Variants in TRAPPC9 observed in about 807,000 individuals in gnomAD.
The protein encoded by TRAPPC9 is trafficking protein particle complex subunit 9, also known as IKK2 binding protein.
A neutral mutation model predicts 124.0 loss-of-function variants in TRAPPC9; 83 were observed. The observed-to-expected ratio is 0.67, with a 90% CI of 0.56 to 0.80. The LOEUF (loss-of-function observed/expected upper bound fraction) is 0.80. TRAPPC9 is among the 30% of genes least tolerant of loss of function. The probability of loss-of-function intolerance (pLI) is 0.00; values close to 1 mark genes in which losing one functional copy is unlikely to be tolerated. For missense variants in TRAPPC9, 1,302 were observed against 1,508.3 expected (o/e 0.86, Z 2.27); for synonymous variants, 638 against 617.5 (o/e 1.03, Z -0.49).
chr8:140,109,864 A>G (rs899789851), intron 17 of TRAPPC9, among the ~76,000 whole-genome samples: 4 of 152,214 alleles, frequency 2.6e-5, no homozygotes, highest in African/African-American at 4.8e-5. Flanking sequence ...GGTCTGATGA[A>G]CACTGAGGAA....
At chr8:140,289,654 C>T (rs1286360822) in intron 12 of TRAPPC9, among the ~76,000 whole-genome samples, 3 of 149,824 alleles carry the variant, frequency 2.0e-5, no homozygotes, top group African/African-American at 7.4e-5. Context: ...GTTTTTAAAC[C>T]AGATAAAAAT....
At chr8:140,163,964 T>A (rs1202685006) in intron 17 of TRAPPC9, among the ~76,000 whole-genome samples, 4 of 152,184 alleles carry the variant, frequency 2.6e-5, no homozygotes, top group Non-Finnish European at 2.9e-5. Flanking sequence ...AATAAAAGAA[T>A]TGCTAATTTA....
intron 14 of TRAPPC9, among the ~76,000 whole-genome samples, chr8:140,276,736 G>A (rs1313748729): frequency 1.3e-5 from 2 of 152,056 alleles, no homozygotes; most frequent in African/African-American, 4.8e-5. Context: ...TGACAGGTGA[G>A]GTTAAACACA....
chr8:140,256,420 C>T (rs1588024738), intron 15 of TRAPPC9, among the ~76,000 whole-genome samples: 4 of 152,174 alleles, frequency 2.6e-5, no homozygotes, highest in African/African-American at 7.2e-5. Context: ...AGGGTTCTGA[C>T]GACATCTTGG....
intron 18 of TRAPPC9, among the ~76,000 whole-genome samples, chr8:140,009,431 C>T (rs545814990): frequency 1.3e-5 from 2 of 152,328 alleles, no homozygotes; most frequent in South Asian, 4.1e-4. Context: ...AAATATTTTA[C>T]ATTTATTTAT....
chr8:140,243,658 G>A lies in TRAPPC9; in HGVS notation c.2431+9119C>T, dbSNP rs557641965. ...GATGACTTAAAGGACCAGGTTTGCC[G>A]CCCACTCTCTATTACCCTCCTCTCT... On this transcript the variant is annotated intron_variant, in intron 16 of 22. Coordinates refer to ENST00000438773, the MANE Select transcript of TRAPPC9 (RefSeq NM_001160372.4). 1.4e-4 allele frequency among the ~76,000 whole-genome samples: 22 copies of A among 152,258 alleles called. No homozygotes were observed. The East Asian group carries it at 2.5e-3, about 17-fold the overall frequency.
chr8:139,801,509 GC>G (rs1823527347), intron 21 of TRAPPC9, among the ~76,000 whole-genome samples: 1 of 152,142 alleles, frequency 6.6e-6, no homozygotes, highest in Non-Finnish European at 1.5e-5. Context: ...CTCCTGCCCC[GC>G]CCCCCTTCCC....
chr8:139,824,506 G>A (rs1392429057), intron 21 of TRAPPC9, among the ~76,000 whole-genome samples: 2 of 152,156 alleles, frequency 1.3e-5, no homozygotes, highest in Admixed American at 6.5e-5. Flanking sequence ...GGGAACACCC[G>A]TTTTAAGGGA....
At chr8:140,297,894 T>C (rs576765382) in intron 11 of TRAPPC9, among the ~76,000 whole-genome samples, 78 of 152,194 alleles carry the variant, frequency 5.1e-4, no homozygotes, top group Non-Finnish European at 1.0e-3. Flanking sequence ...GAGGTCCAGG[T>C]AATAGGTCTG....
chr8:139,826,394 G>A (rs1825638014), intron 21 of TRAPPC9, among the ~76,000 whole-genome samples: 1 of 152,224 alleles, frequency 6.6e-6, no homozygotes, highest in Admixed American at 6.5e-5. Flanking sequence ...GGGGCTGCAG[G>A]AGCCGGCCGG....
At chr8:139,881,906 C>T (rs1332729605) in intron 21 of TRAPPC9, among the ~76,000 whole-genome samples, 3 of 152,220 alleles carry the variant, frequency 2.0e-5, no homozygotes, top group Non-Finnish European at 4.4e-5. Flanking sequence ...TACTGTCCCC[C>T]AGACTGAAGA....
At chr8:139,913,155 T>C (rs1831862457) in intron 19 of TRAPPC9, among the ~76,000 whole-genome samples, 1 of 152,222 alleles carries the variant, frequency 6.6e-6, no homozygotes, top group Non-Finnish European at 1.5e-5. Flanking sequence ...TCAAACAATT[T>C]CTGGTTGAGT....
chr8:140,060,084 A>T (rs1842505984), intron 17 of TRAPPC9, among the ~76,000 whole-genome samples: 1 of 152,190 alleles, frequency 6.6e-6, no homozygotes, highest in African/African-American at 2.4e-5. Context: ...TCATCCTTTA[A>T]AGAGTGTCAG....
At chr8:140,363,098 G>C (rs2068005180) in intron 8 of TRAPPC9, among the ~76,000 whole-genome samples, 1 of 152,146 alleles carries the variant, frequency 6.6e-6, no homozygotes, top group Non-Finnish European at 1.5e-5. Flanking sequence ...TTTTGTATAT[G>C]AACTATTGCC....
At chr8:140,003,602 A>C (rs1308411831) in intron 18 of TRAPPC9, among the ~76,000 whole-genome samples, 2 of 73,114 alleles carry the variant, frequency 2.7e-5, no homozygotes, top group Admixed American at 1.3e-4. Flanking sequence ...ACCCTGTCAC[A>C]AAAAAAAAAA....
intron 17 of TRAPPC9, among the ~76,000 whole-genome samples, chr8:140,073,516 C>T (rs1843308099): frequency 6.6e-6 from 1 of 152,276 alleles, no homozygotes. Flanking sequence ...AACATCAGAA[C>T]TGAGGACACC....
At chr8:140,268,399 T>C (rs2064761829) in intron 15 of TRAPPC9, among the ~76,000 whole-genome samples, 1 of 152,208 alleles carries the variant, frequency 6.6e-6, no homozygotes, top group Non-Finnish European at 1.5e-5. Flanking sequence ...CCTTTGTGTA[T>C]TTTGGAAACA....
At chr8:140,256,325 C>T (rs1191648792) in intron 15 of TRAPPC9, among the ~76,000 whole-genome samples, 3 of 152,262 alleles carry the variant, frequency 2.0e-5, no homozygotes, top group African/African-American at 7.2e-5. Context: ...AGCCATCTTA[C>T]AGGTGAGAAA....
chr8:140,316,911 C>T (rs2066457286), intron 9 of TRAPPC9, among the ~76,000 whole-genome samples: 1 of 152,090 alleles, frequency 6.6e-6, no homozygotes, highest in African/African-American at 2.4e-5. Flanking sequence ...CGTTTTTGGT[C>T]GTTCAGATTT....
Sources: allele counts gnomAD v4.1 joint callset (sites outside exome capture counted in the v4.1 genomes callset), GRCh38; gene constraint gnomAD v4.1.1; transcripts MANE v1.5; gene names NCBI Gene and HGNC (gene_info 2026-07-23, HGNC 2026-07-21).